STARD13: variants seen among roughly 807,000 people sequenced by gnomAD.
The protein encoded by STARD13 is stAR-related lipid transfer protein 13.
In STARD13, 62 loss-of-function variants were observed where a neutral mutation model predicts 106.4. The observed-to-expected ratio is 0.58, with a 90% confidence interval of 0.48 to 0.72. The LOEUF is 0.72. Among genes scored for constraint, STARD13 ranks in the 30% least tolerant of loss-of-function variants. The probability of loss-of-function intolerance (pLI) is 0.00; values close to 1 mark genes in which losing one functional copy is unlikely to be tolerated. For missense variants in STARD13, 1,387 were observed against 1,424.0 expected (o/e 0.97, Z 0.42); for synonymous variants, 565 against 553.0 (o/e 1.02, Z -0.31).
chr13:33,285,617 T>A lies in STARD13; in HGVS notation c.22A>T (p.Thr8Ser). The change falls in exon 1 of 14, where the codon ACC becomes TCC. Residue 8 changes from threonine (T) to serine (S), a missense_variant. Physicochemically the swap from Thr to Ser is moderately conservative, Grantham distance 58. Coordinates refer to ENST00000336934, the MANE Select transcript of STARD13 (RefSeq NM_178006.4). Reference protein sequence around the residue: MFSQVPRTPASGCYYLNS... With the variant: MFSQVPRSPASGCYYLNS... Reference sequence around the variant, plus strand: ...AGGTAGTAGCAGCCTGAGGCTGGGGTCCTGGGCACCTGACTGAACATCTCG... The same window carrying A: ...AGGTAGTAGCAGCCTGAGGCTGGGGACCTGGGCACCTGACTGAACATCTCG... The A allele has an allele frequency of 1.2e-6, 2 of 1,613,248 alleles. No homozygotes were observed. The highest frequency in any genetic ancestry group is 1.7e-6 in the Non-Finnish European group (2 of 1,179,870).
At chr13:33,553,662 C>G in the STARD13 span, among the ~76,000 whole-genome samples, 7 of 151,054 alleles carry the variant, frequency 4.6e-5, no homozygotes, top group Non-Finnish European at 4.4e-5. Flanking sequence ...TCACTGCAAC[C>G]TTCGCCTCCA....
intron 4 of STARD13, among the ~76,000 whole-genome samples, chr13:33,137,297 G>A (rs681756): frequency 0.33 from 49,454 of 151,892 alleles, 8,711 homozygotes; most frequent in Non-Finnish European, 0.41. Context: ...TCTGTATAGG[G>A]CCATATCATA....
At chr13:33,415,367 C>CA in the STARD13 span, among the ~76,000 whole-genome samples, 1 of 151,796 alleles carries the variant, frequency 6.6e-6, no homozygotes, top group Non-Finnish European at 1.5e-5. Context: ...GACTCCGTCT[C>CA]AAAAAATAAA....
chr13:33,648,191 A>G, the STARD13 span, among the ~76,000 whole-genome samples: 1 of 152,256 alleles, frequency 6.6e-6, no homozygotes, highest in Non-Finnish European at 1.5e-5. Context: ...ACAAGATGAC[A>G]TTATGGAAAG....
At chr13:33,427,856 G>C in the STARD13 span, among the ~76,000 whole-genome samples, 2 of 151,318 alleles carry the variant, frequency 1.3e-5, no homozygotes, top group Admixed American at 1.3e-4. Context: ...TCGGGAGGCA[G>C]AGGCAGGAAA....
At chr13:33,589,803 TGTCTATTAG>T in the STARD13 span, among the ~76,000 whole-genome samples, 1 of 152,214 alleles carries the variant, frequency 6.6e-6, no homozygotes, top group South Asian at 2.1e-4. Flanking sequence ...GCTCTGTAGA[TGTCTATTAG>T]GTCTGCTTGG....
At chr13:33,388,954 CTTTTTTTTT>C in the STARD13 span, among the ~76,000 whole-genome samples, 1 of 128,402 alleles carries the variant, frequency 7.8e-6, no homozygotes, top group East Asian at 2.3e-4. Flanking sequence ...AGGGGTCCTT[CTTTTTTTTT>C]TTTTTTTTTG....
the STARD13 span, among the ~76,000 whole-genome samples, chr13:33,386,787 C>T: frequency 1.3e-5 from 2 of 152,168 alleles, no homozygotes; most frequent in East Asian, 3.9e-4. Context: ...ATCCTGGGGG[C>T]CCCTTATCTG....
the STARD13 span, among the ~76,000 whole-genome samples, chr13:33,596,251 A>C: frequency 6.6e-6 from 1 of 152,180 alleles, no homozygotes; most frequent in African/African-American, 2.4e-5. Context: ...TGATAGGCGA[A>C]ACGCCCCAAG....
the STARD13 span, among the ~76,000 whole-genome samples, chr13:33,488,531 C>G: frequency 6.6e-6 from 1 of 152,174 alleles, no homozygotes; most frequent in South Asian, 2.1e-4. Flanking sequence ...AATTGCCCCT[C>G]GAGAATAGAA....
chr13:33,165,960 C>T (rs1040618581), intron 2 of STARD13, among the ~76,000 whole-genome samples: 12 of 152,194 alleles, frequency 7.9e-5, no homozygotes, highest in Admixed American at 1.3e-4. Flanking sequence ...TTCCCTCCAA[C>T]AGACAATTCA....
intron 3 of STARD13, among the ~76,000 whole-genome samples, chr13:33,161,850 T>C (rs1882665692): frequency 6.6e-6 from 1 of 152,238 alleles, no homozygotes; most frequent in Admixed American, 6.5e-5. Context: ...ATAAAGGCCC[T>C]TCTTACATGG....
intron 1 of STARD13, among the ~76,000 whole-genome samples, chr13:33,220,536 C>T (rs1047149927): frequency 6.6e-6 from 1 of 151,974 alleles, no homozygotes; most frequent in African/African-American, 2.4e-5. Flanking sequence ...ACTAAAAATA[C>T]AAAAAATTAG....
At chr13:33,315,002 C>T (rs1028220281) in intron 1 of STARD13, among the ~76,000 whole-genome samples, 1 of 152,074 alleles carries the variant, frequency 6.6e-6, no homozygotes, top group Non-Finnish European at 1.5e-5. Context: ...AGGAAGAGTG[C>T]ACTTTTTCAT....
the STARD13 span, among the ~76,000 whole-genome samples, chr13:33,474,365 A>C: frequency 6.6e-6 from 1 of 152,198 alleles, no homozygotes. Flanking sequence ...TGGAGCAAAC[A>C]GAGTTTAACC....
chr13:33,520,759 G>A, the STARD13 span, among the ~76,000 whole-genome samples: 13 of 152,074 alleles, frequency 8.5e-5, no homozygotes, highest in Non-Finnish European at 1.0e-4. Context: ...TGTCATGCAG[G>A]AAATAATGGC....
At chr13:33,521,929 C>A in the STARD13 span, among the ~76,000 whole-genome samples, 3 of 151,938 alleles carry the variant, frequency 2.0e-5, no homozygotes, top group African/African-American at 7.2e-5. Flanking sequence ...AATTACATTC[C>A]CTTAAGAGGC....
chr13:33,438,448 C>T, the STARD13 span, among the ~76,000 whole-genome samples: 1 of 152,142 alleles, frequency 6.6e-6, no homozygotes, highest in African/African-American at 2.4e-5. Flanking sequence ...GTGCTTATTT[C>T]CCACTTAGCT....
chr13:33,226,075 G>T (rs1484461672), intron 1 of STARD13, among the ~76,000 whole-genome samples: 1 of 152,206 alleles, frequency 6.6e-6, no homozygotes, highest in South Asian at 2.1e-4. Context: ...CAGCAAGAAG[G>T]CGGCCATCTG....
Sources: allele counts gnomAD v4.1 joint callset (sites outside exome capture counted in the v4.1 genomes callset), GRCh38; gene constraint gnomAD v4.1.1; transcripts MANE v1.5; gene names NCBI Gene and HGNC (gene_info 2026-07-23, HGNC 2026-07-21).